Variants in CNOT2 observed in about 807,000 individuals in gnomAD.
CNOT2 encodes CCR4-NOT transcription complex subunit 2.
A neutral mutation model predicts 72.1 loss-of-function variants in CNOT2; 7 were observed. That is an observed-to-expected ratio of 0.10 (90% CI 0.06 to 0.18). The LOEUF is 0.18. Ranked by LOEUF, CNOT2 falls within the 10% of genes least tolerant of loss-of-function variation. CNOT2 has a pLI of 1.00. For synonymous variants in CNOT2, 196 were observed against 225.6 expected (o/e 0.87, Z 1.17); for missense variants, 345 against 660.3 (o/e 0.52, Z 5.23).
Position 70,337,456 on chromosome 12 carries a change from A to C in CNOT2, c.843A>C (p.Pro281=), listed in dbSNP as rs1435444007. The change falls in exon 9 of 16, where the codon CCA becomes CCC. Residue 281 remains proline, a synonymous_variant. Transcript: ENST00000229195. ...TCTCAATACACAATGAAGATTTTCC[A>C]GCATTACCAGGCTCCAGCTATAAAG... ...QDFSIHNEDF[P]ALPGSSYKDP... is the part of the protein sequence containing the mutation. 6.2e-7 allele frequency: 1 copy of C among 1,611,026 alleles called. No individual in the cohort carries two copies. The highest frequency in any genetic ancestry group is 8.5e-7 in the Non-Finnish European group (1 of 1,177,766).
At chr12:70,345,946 T>A (rs560046265) in intron 14 of CNOT2, 85 of 360,518 alleles carry the variant, frequency 2.4e-4, no homozygotes, top group Middle Eastern at 2.2e-3. Flanking sequence ...GTTTCTTTAG[T>A]TAAATAAAAG....
At chr12:70,299,296 A>C in intron 2 of CNOT2, among the ~76,000 whole-genome samples, 1 of 152,064 alleles carries the variant, frequency 6.6e-6, no homozygotes, top group East Asian at 1.9e-4. Context: ...ATATGTATAC[A>C]TGGGCCATGT....
chr12:70,333,900 T>C (rs570231889), intron 7 of CNOT2, among the ~76,000 whole-genome samples: 1 of 152,094 alleles, frequency 6.6e-6, no homozygotes, highest in African/African-American at 2.4e-5. Flanking sequence ...TTAATTGTAG[T>C]TTTTTTCTAA....
intron 1 of CNOT2, among the ~76,000 whole-genome samples, chr12:70,263,188 A>G (rs1466946005): frequency 6.6e-6 from 1 of 152,086 alleles, no homozygotes; most frequent in Non-Finnish European, 1.5e-5. Context: ...CTGGGCATGA[A>G]TCGTTTTGTT....
rs1490892201 is a variant in CNOT2 at position 70,349,622 on chromosome 12, C to G, written c.1536+3298C>G. ...AATCTAAACCAGAAGTATTTCTTAT[C>G]CTCTAAAAATTTTGTGACCCTGAGT... is the stretch of plus-strand genomic sequence containing the variant. On this transcript the variant is annotated intron_variant, in intron 15 of 15. Transcript: ENST00000229195. Among the ~76,000 whole-genome samples the G allele has an allele frequency of 2.0e-5, 3 of 152,004 alleles. No individual in the cohort carries two copies. In the East Asian group the frequency reaches 5.8e-4, roughly 29 times the overall value.
At chr12:70,331,446 T>G (rs1212029179) in intron 6 of CNOT2, 3 of 152,008 alleles carry the variant, frequency 2.0e-5, no homozygotes. Context: ...TATCATATCT[T>G]TGTGCGTTCT....
chr12:70,350,090 T>C (rs1882693433), intron 15 of CNOT2, among the ~76,000 whole-genome samples: 1 of 152,128 alleles, frequency 6.6e-6, no homozygotes, highest in Non-Finnish European at 1.5e-5. Flanking sequence ...TTCTCCTGTG[T>C]CGTTTTGCTG....
rs12422946 is a variant in CNOT2 at position 70,343,681 on chromosome 12, C to T, written c.1291-447C>T. Among the ~76,000 whole-genome samples, 307 of 152,246 alleles carry T rather than the reference C, an allele frequency of 2.0e-3. 5 individuals carry two copies. The highest frequency in any genetic ancestry group is 0.019 in the Admixed American group (292 of 15,306). Reference sequence around the variant, plus strand: ...CATTTTATTTACTTTCTTAGTAACCCTCATAGGTGTCATTGTCCACATTTG... The same window carrying T: ...CATTTTATTTACTTTCTTAGTAACCTTCATAGGTGTCATTGTCCACATTTG... On this transcript the variant is annotated intron_variant, in intron 13 of 15. Transcript: ENST00000229195.
intron 2 of CNOT2, among the ~76,000 whole-genome samples, chr12:70,292,531 A>T (rs1022747146): frequency 6.6e-5 from 10 of 152,186 alleles, no homozygotes; most frequent in African/African-American, 2.2e-4. Context: ...TAACAAAGGC[A>T]AGGGCTTGGA....
chr12:70,310,864 T>TA (rs1417602985), intron 2 of CNOT2, 31 bp from the exon 3 acceptor site: 1 of 1,602,996 alleles, frequency 6.2e-7, no homozygotes, highest in Admixed American at 1.7e-5. Flanking sequence ...TCCAAAGTAT[T>TA]ACCCCTGATA....
chr12:70,297,894 G>A (rs991801348), intron 2 of CNOT2: 39 of 187,766 alleles, frequency 2.1e-4, no homozygotes, highest in African/African-American at 7.2e-4. Flanking sequence ...GTACCACCAC[G>A]CCCAACTAAT....
intron 2 of CNOT2, among the ~76,000 whole-genome samples, chr12:70,308,767 C>T (rs966429602): frequency 3.3e-5 from 5 of 151,938 alleles, no homozygotes; most frequent in South Asian, 4.2e-4. Context: ...TTTTAGAATT[C>T]TAGGAGTCTA....
At position 70,337,443 on chromosome 12, in the gene CNOT2, A is replaced by G. The variant is rs1880859049; in HGVS notation, c.830A>G (p.Asn277Ser). The change falls in exon 9 of 16, where the codon AAT (asparagine) becomes AGT (serine). Residue 277 changes from asparagine (N) to serine (S), a missense_variant. By Grantham distance (46) the Asn-to-Ser change is conservative. This residue lies in a region of CNOT2 where 128 missense variants were observed against 233.0 expected (regional missense o/e 0.55). Transcript: ENST00000229195. ...CAATCCCAGGACTTCTCAATACACA[A>G]TGAAGATTTTCCAGCATTACCAGGC... is the stretch of plus-strand genomic sequence containing the variant. ...NEQSQDFSIH[N>S]EDFPALPGSS... 1.2e-6 allele frequency: 2 copies of G among 1,610,138 alleles called. No individual in the cohort carries two copies. The highest frequency in any genetic ancestry group is 1.7e-6 in the Non-Finnish European group (2 of 1,176,844).
intron 4 of CNOT2, among the ~76,000 whole-genome samples, chr12:70,320,978 ATGTTTT>A (rs1221112689): frequency 6.6e-6 from 1 of 151,850 alleles, no homozygotes; most frequent in Non-Finnish European, 1.5e-5. Flanking sequence ...ACAGACATTT[ATGTTTT>A]TGTTTTTAAG....
At chr12:70,305,415 T>C (rs909950244) in intron 2 of CNOT2, among the ~76,000 whole-genome samples, 70 of 152,268 alleles carry the variant, frequency 4.6e-4, no homozygotes, top group African/African-American at 1.6e-3. Context: ...CACGTGGGGA[T>C]TATTACAGTT....
intron 1 of CNOT2, among the ~76,000 whole-genome samples, chr12:70,249,812 C>G (rs1234953070): frequency 6.6e-6 from 1 of 151,950 alleles, no homozygotes; most frequent in Admixed American, 6.5e-5. Context: ...TAGGTAATAA[C>G]ATATCATTGA....
chr12:70,334,170 A>G (rs528430559), intron 7 of CNOT2, among the ~76,000 whole-genome samples: 1 of 152,144 alleles, frequency 6.6e-6, no homozygotes, highest in South Asian at 2.1e-4. Flanking sequence ...TATGTATTAA[A>G]AGTTAATATA....
chr12:70,281,614 T>C (rs1193377206), intron 2 of CNOT2, among the ~76,000 whole-genome samples: 1 of 152,224 alleles, frequency 6.6e-6, no homozygotes, highest in Non-Finnish European at 1.5e-5. Context: ...CTCACCTTTG[T>C]TCACATGATT....
intron 2 of CNOT2, among the ~76,000 whole-genome samples, chr12:70,289,281 G>A (rs926715747): frequency 2.0e-5 from 3 of 151,740 alleles, no homozygotes; most frequent in Non-Finnish European, 2.9e-5. Context: ...ATGATGATTC[G>A]CTGTCTTCTT....
Sources: gnomAD v4.1 joint callset for allele counts (sites outside exome capture counted in the v4.1 genomes callset) on GRCh38, gnomAD v4.1.1 for gene constraint, gnomAD v4.1.1 regional missense constraint, MANE v1.5 for transcripts, NCBI Gene and HGNC (gene_info 2026-07-23, HGNC 2026-07-21) for gene names.